The following IQCM variants were observed in gnomAD, a reference collection of about 807,000 sequenced individuals.
The protein encoded by IQCM is IQ motif containing M.
A neutral mutation model predicts 57.6 loss-of-function variants in IQCM; 45 were observed. The observed-to-expected ratio is 0.78, with a 90% confidence interval of 0.62 to 1.00. The LOEUF (loss-of-function observed/expected upper bound fraction) is 1.00, where lower values mean the gene tolerates loss of function less well. IQCM is among the 50% of genes least tolerant of loss of function. IQCM has a pLI of 0.00. For synonymous variants in IQCM, 148 were observed against 158.9 expected (o/e 0.93, Z 0.51); for missense variants, 468 against 511.6 (o/e 0.91, Z 0.82).
At chr4:149,362,859 TG>T (rs768430072) in intron 13 of IQCM, among the ~76,000 whole-genome samples, 1 of 152,256 alleles carries the variant, frequency 6.6e-6, no homozygotes, top group East Asian at 1.9e-4. Flanking sequence ...CAAAACTTCT[TG>T]GGGAAAAACT....
At chr4:149,476,345 C>T (rs1370795858) in intron 12 of IQCM, among the ~76,000 whole-genome samples, 1 of 152,130 alleles carries the variant, frequency 6.6e-6, no homozygotes, top group Non-Finnish European at 1.5e-5. Flanking sequence ...ACTTAAGTTT[C>T]CCAGAGTGGC....
intron 12 of IQCM, among the ~76,000 whole-genome samples, chr4:149,500,607 T>G (rs1298440794): frequency 1.3e-5 from 2 of 152,180 alleles, no homozygotes; most frequent in Admixed American, 6.5e-5. Context: ...ATCCCTTTTA[T>G]TTTAAGTCTG....
intron 9 of IQCM, among the ~76,000 whole-genome samples, chr4:149,576,295 C>G (rs1319489538): frequency 6.6e-6 from 1 of 151,678 alleles, no homozygotes; most frequent in African/African-American, 2.4e-5. Context: ...TGATCCTCAC[C>G]CTCCTCCCAC....
At chr4:149,792,349 A>G (rs1050157038) in intron 2 of IQCM, among the ~76,000 whole-genome samples, 4 of 152,156 alleles carry the variant, frequency 2.6e-5, no homozygotes, top group Admixed American at 6.5e-5. Context: ...CAAGATTAAA[A>G]TGAAATATAA....
At chr4:149,545,738 T>C (rs1250526777) in intron 12 of IQCM, among the ~76,000 whole-genome samples, 2 of 152,104 alleles carry the variant, frequency 1.3e-5, no homozygotes, top group Non-Finnish European at 1.5e-5. Flanking sequence ...GCTGTACCTA[T>C]ATTGCAGCAT....
intron 7 of IQCM, among the ~76,000 whole-genome samples, chr4:149,624,156 G>T (rs1561073448): frequency 6.6e-6 from 1 of 151,988 alleles, no homozygotes; most frequent in Non-Finnish European, 1.5e-5. Context: ...AAGTGTGTGT[G>T]TGTGTGTGTG....
chr4:149,436,693 A>G (rs1735393213), intron 12 of IQCM, among the ~76,000 whole-genome samples: 1 of 152,068 alleles, frequency 6.6e-6, no homozygotes, highest in African/African-American at 2.4e-5. Flanking sequence ...GATATTAATA[A>G]TTTTTGCTGT....
intron 2 of IQCM, among the ~76,000 whole-genome samples, chr4:149,747,496 GA>G (rs1468610983): frequency 6.6e-6 from 1 of 152,060 alleles, no homozygotes; most frequent in East Asian, 1.9e-4. Flanking sequence ...ATAATGACAA[GA>G]AAAAAGTCTG....
rs1297313466 is a variant in IQCM, at chr4:149,527,987, TG to T, written c.1228+20467del. Among the ~76,000 whole-genome samples, 5 of 30,438 alleles carry T rather than the reference TG, an allele frequency of 1.6e-4. No homozygotes were observed. In the Admixed American group the frequency reaches 2.0e-3, roughly 12 times the overall value. 20.0% of individuals were successfully genotyped at this position (30,438 alleles called of 152,430 possible). A position where few individuals can be genotyped will look rare whatever the true frequency, so the allele number is the denominator to read the frequency against. ...TTCATGAGAGATTTATCTTGTTTTT[TG>T]TTTTTTTTTTTTTTTGAGACTGAGT... On this transcript the variant is annotated intron_variant, in intron 12 of 13. Coordinates refer to ENST00000636793, the MANE Select transcript of IQCM (RefSeq NM_001363507.2).
chr4:149,800,702 G>A (rs970555719), intron 2 of IQCM, among the ~76,000 whole-genome samples: 1 of 151,760 alleles, frequency 6.6e-6, no homozygotes, highest in African/African-American at 2.4e-5. Context: ...TGCCAACAGA[G>A]AGCAATATGA....
chr4:149,602,709 C>T (rs912564074), intron 8 of IQCM, among the ~76,000 whole-genome samples: 9 of 151,942 alleles, frequency 5.9e-5, no homozygotes. Context: ...TTTTAAATAA[C>T]TTAATAAAGT....
At chr4:149,449,141 T>G (rs4599393) in intron 12 of IQCM, among the ~76,000 whole-genome samples, 2 of 149,806 alleles carry the variant, frequency 1.3e-5, no homozygotes, top group Non-Finnish European at 3.0e-5. Flanking sequence ...GTAGAGAAAG[T>G]TGGTGCAATA....
intron 7 of IQCM, among the ~76,000 whole-genome samples, chr4:149,646,061 C>A (rs1758606271): frequency 6.6e-6 from 1 of 152,182 alleles, no homozygotes; most frequent in Admixed American, 6.5e-5. Flanking sequence ...TGCAACTATA[C>A]CTTCTCTAAT....
chr4:149,514,881 G>C (rs188011335), intron 12 of IQCM: 2 of 152,294 alleles, frequency 1.3e-5, no homozygotes, highest in East Asian at 3.9e-4. Flanking sequence ...GAAAAGGCTA[G>C]ACTGGTTTAG....
chr4:149,662,274 A>G (rs1760292554), intron 7 of IQCM, among the ~76,000 whole-genome samples: 1 of 151,966 alleles, frequency 6.6e-6, no homozygotes, highest in Non-Finnish European at 1.5e-5. Context: ...GTTGATTTCT[A>G]GCTTTCTACC....
At chr4:149,770,194 G>A (rs1770440328) in intron 2 of IQCM, among the ~76,000 whole-genome samples, 2 of 151,278 alleles carry the variant, frequency 1.3e-5, no homozygotes, top group Admixed American at 1.3e-4. Context: ...ATAACTTTAT[G>A]TCAAAAAAAT....
Position 149,742,686 on chromosome 4 carries a change from A to G in IQCM, c.6T>C (p.Thr2=). The change falls in exon 3 of 14, where the codon ACT becomes ACC. Residue 2 remains threonine, a synonymous_variant. Transcript: ENST00000636793. ...CTTTTTCAGGCATAGCCTCTTCAGT[A>G]GTCATGAGGGGCAGTTAGAATGATC... M[T]TEEAMPEKAK... 1 of 1,231,406 alleles carries G rather than the reference A, an allele frequency of 8.1e-7. No individual in the cohort carries two copies. Among genetic ancestry groups the G allele is most frequent in the Non-Finnish European group, 1.0e-6 (1 of 987,394 alleles). 76.3% of individuals were successfully genotyped at this position (1,231,406 alleles called of 1,614,324 possible).
chr4:149,750,581 T>G (rs1022573169), intron 2 of IQCM, among the ~76,000 whole-genome samples: 2 of 152,240 alleles, frequency 1.3e-5, no homozygotes, highest in Non-Finnish European at 2.9e-5. Context: ...CATGCAGTTA[T>G]GCCTTCACTG....
chr4:149,595,931 T>C (rs1037466449), intron 8 of IQCM, among the ~76,000 whole-genome samples: 3 of 152,282 alleles, frequency 2.0e-5, no homozygotes, highest in South Asian at 2.1e-4. Flanking sequence ...ATAATGCTGG[T>C]CACTTTGTAA....
Sources: gnomAD v4.1 joint callset for allele counts (sites outside exome capture counted in the v4.1 genomes callset) on GRCh38, gnomAD v4.1.1 for gene constraint, MANE v1.5 for transcripts, NCBI Gene and HGNC (gene_info 2026-07-23, HGNC 2026-07-21) for gene names.